The following NBEA variants were observed in gnomAD, a reference collection of about 807,000 sequenced individuals.
NBEA encodes the protein lysosomal-trafficking regulator 2.
A neutral mutation model predicts 343.4 loss-of-function variants in NBEA; 44 were observed. That is an observed-to-expected ratio of 0.13 (90% CI 0.10 to 0.16). NBEA has a LOEUF of 0.16. Among genes scored for constraint, NBEA ranks in the 10% least tolerant of loss-of-function variants. The probability of loss-of-function intolerance (pLI) is 1.00; values close to 1 mark genes in which losing one functional copy is unlikely to be tolerated. For synonymous variants in NBEA, 1,175 were observed against 1,238.7 expected (o/e 0.95, Z 1.08); for missense variants, 2,555 against 3,631.3 (o/e 0.70, Z 7.62).
chr13:34,957,603 A>T (rs2059537844), intron 1 of NBEA, among the ~76,000 whole-genome samples: 1 of 152,178 alleles, frequency 6.6e-6, no homozygotes, highest in Non-Finnish European at 1.5e-5. Context: ...GAATTTTAAC[A>T]TTAAAAAAAG....
chr13:35,664,584 C>A (rs1184793106), intron 55 of NBEA, among the ~76,000 whole-genome samples: 3 of 152,202 alleles, frequency 2.0e-5, no homozygotes, highest in Non-Finnish European at 4.4e-5. Context: ...TATAATTCAG[C>A]TGGACTTTTT....
chr13:35,041,019 C>T lies in NBEA; in HGVS notation c.381C>T (p.His127=). Residue 127 remains histidine (H), a synonymous_variant, in exon 2 of 59, where the codon CAC becomes CAT. Transcript: ENST00000379939. ...CATGTATGACAGAGCTTTTGGAGCA[C>T]TGTGATGTAACATGTCAAGCAGAAA... ...SITCMTELLE[H]CDVTCQAEIW... is the part of the protein sequence containing the mutation. 1 of 1,613,120 alleles carries T rather than the reference C, an allele frequency of 6.2e-7. No individual in the cohort carries two copies. Among genetic ancestry groups the T allele is most frequent in the Non-Finnish European group, 8.5e-7 (1 of 1,179,426 alleles).
intron 30 of NBEA, among the ~76,000 whole-genome samples, chr13:35,193,944 A>G (rs553198869): frequency 2.0e-4 from 30 of 152,100 alleles, no homozygotes; most frequent in Non-Finnish European, 5.9e-5. Flanking sequence ...TATTAGGAAT[A>G]TTGAATAATA....
chr13:35,637,751 G>A (rs1459169467), intron 49 of NBEA, among the ~76,000 whole-genome samples: 8 of 152,044 alleles, frequency 5.3e-5, no homozygotes, highest in African/African-American at 1.7e-4. Context: ...GAACCCGGGA[G>A]GCGGAGGTTG....
rs757129481 is a variant in NBEA, at chr13:35,070,767, A to G, written c.1486A>G (p.Ile496Val). The change falls in exon 10 of 59, where the codon ATT becomes GTT. Residue 496 changes from isoleucine to valine, a missense_variant. Ile to Val is a conservative substitution (Grantham distance 29, BLOSUM62 3). This residue lies in a region of NBEA where 360 missense variants were observed against 519.1 expected (regional missense o/e 0.69). Coordinates refer to ENST00000379939, the MANE Select transcript of NBEA (RefSeq NM_001385012.1). The stretch of plus-strand genomic sequence containing the variant: ...TTCAATTCATAGTGCAATTCATTCA[A>G]TTGGAGGGATTCAAGTGCTTTTTCC... ...THSIHSAIHS[I>V]GGIQVLFPLF... The G allele has an allele frequency of 5.4e-5, 87 of 1,609,446 alleles. No individual in the cohort carries two copies. Among genetic ancestry groups the G allele is most frequent in the Admixed American group, 1.2e-4 (7 of 59,854 alleles).
chr13:35,277,795 T>C (rs1317549694), intron 34 of NBEA, among the ~76,000 whole-genome samples: 1 of 151,468 alleles, frequency 6.6e-6, no homozygotes, highest in Non-Finnish European at 1.5e-5. Flanking sequence ...AAAATTAAAA[T>C]ATGATTTAGA....
At chr13:35,351,374 T>C (rs958480249) in intron 37 of NBEA, among the ~76,000 whole-genome samples, 1 of 151,980 alleles carries the variant, frequency 6.6e-6, no homozygotes, top group Admixed American at 6.6e-5. Flanking sequence ...AAGAATCAAA[T>C]TTATAATTAA....
intron 36 of NBEA, among the ~76,000 whole-genome samples, chr13:35,341,972 T>C (rs2039610405): frequency 1.3e-5 from 2 of 152,182 alleles, no homozygotes; most frequent in East Asian, 3.9e-4. Flanking sequence ...CAAATGTTCA[T>C]CAACTGGTGA....
At chr13:35,534,156 A>T (rs755853734) in intron 41 of NBEA, among the ~76,000 whole-genome samples, 1 of 152,028 alleles carries the variant, frequency 6.6e-6, no homozygotes. Flanking sequence ...TTTCTTTTTC[A>T]TAATACTCGT....
chr13:34,944,483 A>G (rs555706297), intron 1 of NBEA, among the ~76,000 whole-genome samples: 140 of 152,334 alleles, frequency 9.2e-4, no homozygotes, highest in African/African-American at 3.2e-3. Flanking sequence ...TTGCTGTTTA[A>G]AACAAAACAC....
intron 58 of NBEA, among the ~76,000 whole-genome samples, chr13:35,670,111 A>T (rs1442436103): frequency 6.6e-6 from 1 of 152,176 alleles, no homozygotes; most frequent in Non-Finnish European, 1.5e-5. Context: ...TATATTGGGG[A>T]TATTACTCAA....
chr13:35,646,528 T>C (rs1232226407), intron 51 of NBEA, among the ~76,000 whole-genome samples, 180 bp downstream of exon 51: 1 of 152,198 alleles, frequency 6.6e-6, no homozygotes, highest in Non-Finnish European at 1.5e-5. Context: ...TAAATCTACC[T>C]TTAAGTCCTA....
At chr13:35,148,496 T>C in intron 18 of NBEA, among the ~76,000 whole-genome samples, 1 of 152,176 alleles carries the variant, frequency 6.6e-6, no homozygotes, top group East Asian at 1.9e-4. Flanking sequence ...TATTACAAGC[T>C]GTATTATAGT....
intron 52 of NBEA, among the ~76,000 whole-genome samples, chr13:35,651,470 C>T (rs2084520063): frequency 6.6e-6 from 1 of 152,070 alleles, no homozygotes; most frequent in South Asian, 2.1e-4. Context: ...GGAAGCATAG[C>T]CCTTTCATTG....
chr13:35,501,011 T>C (rs140454035), intron 41 of NBEA, among the ~76,000 whole-genome samples: 20 of 152,254 alleles, frequency 1.3e-4, no homozygotes, highest in Non-Finnish European at 2.4e-4. Context: ...AGCAGTTCCA[T>C]GCGTGGGATA....
chr13:35,144,193 TA>T (rs1254809553), intron 18 of NBEA, among the ~76,000 whole-genome samples: 25 of 152,278 alleles, frequency 1.6e-4, no homozygotes, highest in Admixed American at 1.4e-3. Context: ...AGTGTGGGTA[TA>T]CTTAAGAGAG....
chr13:35,101,633 T>C (rs2065652143), intron 11 of NBEA, among the ~76,000 whole-genome samples: 1 of 151,864 alleles, frequency 6.6e-6, no homozygotes, highest in African/African-American at 2.4e-5. Flanking sequence ...TTAACAAATA[T>C]ATTTCTCCAT....
chr13:35,168,492 A>G (rs1480970493), intron 24 of NBEA, among the ~76,000 whole-genome samples: 2 of 151,556 alleles, frequency 1.3e-5, no homozygotes, highest in Admixed American at 6.6e-5. Flanking sequence ...AGAATTTTCA[A>G]CTATAGGAAG....
At chr13:35,188,607 A>G (rs546767653) in intron 30 of NBEA, among the ~76,000 whole-genome samples, 2 of 152,204 alleles carry the variant, frequency 1.3e-5, no homozygotes, top group South Asian at 4.1e-4. Flanking sequence ...TTGTGTATAT[A>G]CATTTTATTT....
Sources: gnomAD v4.1 joint callset for allele counts (sites outside exome capture counted in the v4.1 genomes callset) on GRCh38, gnomAD v4.1.1 for gene constraint, gnomAD v4.1.1 regional missense constraint, MANE v1.5 for transcripts, NCBI Gene and HGNC (gene_info 2026-07-23, HGNC 2026-07-21) for gene names.